The following RNGTT variants were observed in gnomAD, a reference collection of about 807,000 sequenced individuals.
RNGTT encodes mRNA-capping enzyme.
A neutral mutation model predicts 79.3 loss-of-function variants in RNGTT; 33 were observed. That is an observed-to-expected ratio of 0.42 (90% confidence interval 0.32 to 0.56). The LOEUF is 0.56. RNGTT is among the 20% of genes least tolerant of loss of function. The probability of loss-of-function intolerance (pLI) is 0.17; values close to 1 mark genes in which losing one functional copy is unlikely to be tolerated. For missense variants in RNGTT, 497 were observed against 739.1 expected (o/e 0.67, Z 3.80); for synonymous variants, 222 against 235.9 (o/e 0.94, Z 0.54).
At chr6:88,734,526 G>A (rs565004812) in intron 13 of RNGTT, among the ~76,000 whole-genome samples, 1 of 152,104 alleles carries the variant, frequency 6.6e-6, no homozygotes, top group Non-Finnish European at 1.5e-5. Context: ...AAAAAACAGA[G>A]ACTGTCAGAG....
At chr6:88,638,885 T>C (rs1047856082) in intron 14 of RNGTT, among the ~76,000 whole-genome samples, 1 of 152,172 alleles carries the variant, frequency 6.6e-6, no homozygotes, top group African/African-American at 2.4e-5. Context: ...TAAGCAACAT[T>C]TGAAAACTTC....
chr6:88,904,554 T>A (rs576191324), intron 6 of RNGTT, among the ~76,000 whole-genome samples, 161 bp downstream of exon 6: 90 of 151,690 alleles, frequency 5.9e-4, no homozygotes, highest in East Asian at 2.1e-3. Flanking sequence ...AGAGCAAAAC[T>A]TTCTCTCCAA....
At chr6:88,836,669 G>C (rs1456523000) in intron 11 of RNGTT, among the ~76,000 whole-genome samples, 1 of 152,050 alleles carries the variant, frequency 6.6e-6, no homozygotes, top group East Asian at 1.9e-4. Flanking sequence ...TGAAGCCAAG[G>C]AAGTCAAGGC....
intron 14 of RNGTT, among the ~76,000 whole-genome samples, chr6:88,637,573 AT>A (rs1773144847): frequency 6.6e-6 from 1 of 152,082 alleles, no homozygotes. Context: ...TGTATACCAA[AT>A]TCCAGAGAGC....
chr6:88,907,234 A>G (rs1032907446), intron 4 of RNGTT, among the ~76,000 whole-genome samples: 1 of 152,196 alleles, frequency 6.6e-6, no homozygotes, highest in Non-Finnish European at 1.5e-5. Flanking sequence ...TCTCATCTCA[A>G]TTTGTAATCC....
chr6:88,951,111 G>C (rs142145460), intron 1 of RNGTT, among the ~76,000 whole-genome samples: 1 of 151,938 alleles, frequency 6.6e-6, no homozygotes, highest in East Asian at 1.9e-4. Context: ...CGCCTGCCTC[G>C]GCCTCCCAGA....
At chr6:88,648,603 C>T (rs1773672681) in intron 14 of RNGTT, among the ~76,000 whole-genome samples, 1 of 152,170 alleles carries the variant, frequency 6.6e-6, no homozygotes, top group Admixed American at 6.5e-5. Flanking sequence ...AAGCTCCACA[C>T]TTTGCTTTCT....
At chr6:88,767,708 C>G (rs928924920) in intron 13 of RNGTT, among the ~76,000 whole-genome samples, 7 of 137,040 alleles carry the variant, frequency 5.1e-5, no homozygotes, top group Non-Finnish European at 7.7e-5. Flanking sequence ...AAAAAAACAG[C>G]GTAGCCCCAC....
chr6:88,837,804 T>G (rs1039414413), intron 11 of RNGTT, among the ~76,000 whole-genome samples: 1 of 152,122 alleles, frequency 6.6e-6, no homozygotes, highest in Non-Finnish European at 1.5e-5. Context: ...CATACTTGTT[T>G]CACCTGATAA....
chr6:88,617,952 A>AT (rs886721081), intron 14 of RNGTT, among the ~76,000 whole-genome samples: 4 of 152,156 alleles, frequency 2.6e-5, no homozygotes, highest in African/African-American at 9.7e-5. Context: ...TGTCAAGAAA[A>AT]TTTTATCATA....
In RNGTT at chr6:88,837,150, C is replaced by T. The variant is rs150307741; in HGVS notation, c.1269+7207G>A. 5.1e-3 allele frequency among the ~76,000 whole-genome samples: 779 copies of T among 152,230 alleles called. 5 individuals are homozygous for T. The highest frequency in any genetic ancestry group is 0.017 in the African/African-American group (718 of 41,528). ...GGCTTACCGTGTAATCCCAACACTT[C>T]GGGAAGCCAAGGCCAGAGCACAGCC... On this transcript the variant is annotated intron_variant, in intron 11 of 15. Coordinates refer to ENST00000369485, the MANE Select transcript of RNGTT (RefSeq NM_003800.5).
intron 11 of RNGTT, among the ~76,000 whole-genome samples, chr6:88,816,893 G>C (rs992140904): frequency 6.6e-6 from 1 of 152,030 alleles, no homozygotes; most frequent in Admixed American, 6.6e-5. Context: ...GGGGACACAG[G>C]GGGCACACAG....
intron 14 of RNGTT, among the ~76,000 whole-genome samples, chr6:88,636,697 A>C (rs1465530208): frequency 6.6e-6 from 1 of 150,424 alleles, no homozygotes; most frequent in Admixed American, 6.6e-5. Flanking sequence ...TTAATTATAA[A>C]AAACAAAAAC....
intron 11 of RNGTT, among the ~76,000 whole-genome samples, chr6:88,824,931 C>T (rs1214003235): frequency 2.6e-5 from 4 of 151,658 alleles, no homozygotes; most frequent in Non-Finnish European, 4.4e-5. Context: ...TTAGTAAAGA[C>T]GGGGTTTCAC....
intron 14 of RNGTT, among the ~76,000 whole-genome samples, chr6:88,672,251 A>G (rs957250144): frequency 7.0e-6 from 1 of 143,762 alleles, no homozygotes; most frequent in Non-Finnish European, 1.5e-5. Flanking sequence ...ACACACACAC[A>G]TATATACACA....
intron 1 of RNGTT, among the ~76,000 whole-genome samples, chr6:88,945,687 C>T (rs1167440547): frequency 6.6e-6 from 1 of 152,190 alleles, no homozygotes; most frequent in African/African-American, 2.4e-5. Flanking sequence ...AATTTACTTT[C>T]TTCTTCCAGG....
chr6:88,824,590 C>G (rs1780594736), intron 11 of RNGTT, among the ~76,000 whole-genome samples: 1 of 152,224 alleles, frequency 6.6e-6, no homozygotes, highest in East Asian at 1.9e-4. Flanking sequence ...ACTCAATAAC[C>G]ATGTTTGGCT....
intron 2 of RNGTT, 98 bp downstream of exon 2, chr6:88,940,973 A>T: frequency 4.7e-6 from 3 of 631,580 alleles, no homozygotes; most frequent in Non-Finnish European, 8.2e-6. Context: ...GAGTCTATTA[A>T]TTATTTTAAA....
Position 88,760,140 on chromosome 6 carries a change from T to A in RNGTT, c.1439+9634A>T, listed in dbSNP as rs141095492. Among the ~76,000 whole-genome samples, 311 of 152,348 alleles carry A rather than the reference T, an allele frequency of 2.0e-3. 2 individuals are homozygous for A. Among genetic ancestry groups the A allele is most frequent in the African/African-American group, 7.3e-3 (304 of 41,590 alleles). Reference sequence around the variant, plus strand: ...TAAATTAACAAGTAAAAATAAGTAATTTGACTCCAGTGAGGTCATAAGTAG... The same window carrying A: ...TAAATTAACAAGTAAAAATAAGTAAATTGACTCCAGTGAGGTCATAAGTAG... On this transcript the variant is annotated intron_variant, in intron 13 of 15. Coordinates refer to ENST00000369485, the MANE Select transcript of RNGTT (RefSeq NM_003800.5).
Sources: gnomAD v4.1 joint callset for allele counts (sites outside exome capture counted in the v4.1 genomes callset) on GRCh38, gnomAD v4.1.1 for gene constraint, MANE v1.5 for transcripts, NCBI Gene and HGNC (gene_info 2026-07-23, HGNC 2026-07-21) for gene names.